The following SMCO1 variants were observed in gnomAD, a reference collection of about 807,000 sequenced individuals.
SMCO1 encodes single-pass membrane and coiled-coil domain-containing protein 1.
SMCO1 carries 9 observed loss-of-function variants against 7.5 expected under a neutral mutation model. The ratio of observed to expected loss-of-function variants is 1.20; its 90% CI spans 0.72 to 2.09. The LOEUF (loss-of-function observed/expected upper bound fraction) is 2.09. Ranked by LOEUF, SMCO1 falls within the 30% of genes most tolerant of loss-of-function variation. SMCO1 has a pLI of 0.00. For synonymous variants in SMCO1, 90 were observed against 93.8 expected (o/e 0.96, Z 0.23); for missense variants, 219 against 253.1 (o/e 0.87, Z 0.91).
chr3:196,512,093 C>G (rs1467222494), intron 1 of SMCO1, among the ~76,000 whole-genome samples: 2 of 141,096 alleles, frequency 1.4e-5, no homozygotes, highest in Admixed American at 6.9e-5. Context: ...CCTAGATTGT[C>G]GTTATGAGGG....
chr3:196,519,702 C>T (rs1035276643), upstream of SMCO1, among the ~76,000 whole-genome samples: 10 of 152,172 alleles, frequency 6.6e-5, no homozygotes, highest in Admixed American at 5.9e-4. Context: ...TTAAAGAAGC[C>T]TTGCCTTTTA....
At chr3:196,516,456 A>G (rs373343119), upstream of SMCO1, among the ~76,000 whole-genome samples, 8 of 152,280 alleles carry the variant, frequency 5.3e-5, no homozygotes, top group South Asian at 1.7e-3. Context: ...TGATGTGTTC[A>G]GGAAACAATG....
rs528050051 is a variant in SMCO1, at chr3:196,507,078, C to G, written c.*809G>C. 1 of 152,262 alleles carries G rather than the reference C, an allele frequency of 6.6e-6. No homozygotes were observed. The highest frequency in any genetic ancestry group is 1.9e-4 in the East Asian group (1 of 5,190). The allele number at this position is 152,262 out of a possible 1,614,324, so 9.4% of individuals were successfully genotyped here. A position where few individuals can be genotyped will look rare whatever the true frequency, so the allele number is the denominator to read the frequency against. On this transcript the variant is annotated 3_prime_UTR_variant, in exon 3 of 3. Transcript: ENST00000397537. Reference sequence around the variant, plus strand: ...AGGCACGATAGTGTAGAGGACCAATCGCGGAAGGGTAGGTATGTATAAAAT... The same window carrying G: ...AGGCACGATAGTGTAGAGGACCAATGGCGGAAGGGTAGGTATGTATAAAAT...
At chr3:196,518,690 A>G (rs1031308749), upstream of SMCO1, among the ~76,000 whole-genome samples, 12 of 152,222 alleles carry the variant, frequency 7.9e-5, no homozygotes, top group Admixed American at 3.3e-4. Flanking sequence ...ACAACATTCA[A>G]TGGAGCAGTG....
intron 2 of SMCO1, 83 bp downstream of exon 2, chr3:196,509,437 T>A (rs1373221962): frequency 1.2e-5 from 14 of 1,160,232 alleles, no homozygotes; most frequent in Non-Finnish European, 1.6e-5. Context: ...GTGGGAAACA[T>A]ACTAAGAAAT....
chr3:196,516,153 A>G (rs1733386854), upstream of SMCO1, among the ~76,000 whole-genome samples: 1 of 148,020 alleles, frequency 6.8e-6, no homozygotes, highest in African/African-American at 2.5e-5. Flanking sequence ...TAAATGTGGA[A>G]ATAAAATAGG....
At chr3:196,509,749 A>G (rs1275170552) in intron 1 of SMCO1, 80 bp from the exon 2 acceptor site, 1 of 1,235,124 alleles carries the variant, frequency 8.1e-7, no homozygotes, top group Middle Eastern at 2.2e-4. Context: ...GCTCTAATAC[A>G]TTATTTACAA....
chr3:196,510,906 A>G (rs889699052), intron 1 of SMCO1, among the ~76,000 whole-genome samples: 1 of 152,262 alleles, frequency 6.6e-6, no homozygotes, highest in Non-Finnish European at 1.5e-5. Flanking sequence ...CTTTGATGAG[A>G]ATGAAATGCT....
chr3:196,509,609 A>G lies in SMCO1; in HGVS notation c.111T>C (p.Asp37=), dbSNP rs1279602281. 2.5e-6 allele frequency: 4 copies of G among 1,614,068 alleles called. No homozygotes were observed. The highest frequency in any genetic ancestry group is 2.2e-5 in the East Asian group (1 of 44,880). ...GATGTTCGAATTTCTGCATCAGGTT[A>G]TCCTTGGTGAAGTCTAGTTCTTTGA... The part of the protein sequence containing the change: ...TQFKELDFTK[D]NLMQKFEHHS... Residue 37 remains aspartate, a synonymous_variant, in exon 2 of 3, where the codon GAT becomes GAC. Coordinates refer to ENST00000397537, the MANE Select transcript of SMCO1 (RefSeq NM_001077657.3).
intron 1 of SMCO1, among the ~76,000 whole-genome samples, chr3:196,511,348 ATTG>A (rs544188439): frequency 6.7e-5 from 10 of 150,022 alleles, no homozygotes; most frequent in African/African-American, 2.2e-4. Context: ...CGCCAAGTAG[ATTG>A]TTGTTATGAG....
chr3:196,516,529 T>C (rs574029416), upstream of SMCO1, among the ~76,000 whole-genome samples: 24 of 152,342 alleles, frequency 1.6e-4, no homozygotes, highest in African/African-American at 5.3e-4. Flanking sequence ...CCATTTAAAC[T>C]GGTAAGAGCC....
At chr3:196,515,988 G>GAGAT (rs1296248474), upstream of SMCO1, among the ~76,000 whole-genome samples, 39 of 23,884 alleles carry the variant, frequency 1.6e-3, no homozygotes, top group African/African-American at 5.5e-3. Context: ...AAGAGGATAG[G>GAGAT]ATATATATAT....
At chr3:196,512,750 C>T (rs933056162) in intron 1 of SMCO1, among the ~76,000 whole-genome samples, 8 of 151,936 alleles carry the variant, frequency 5.3e-5, no homozygotes, top group African/African-American at 7.3e-5. Flanking sequence ...TCAGGCGATC[C>T]GCCCACCTCG....
chr3:196,515,097 C>T lies in SMCO1; in HGVS notation c.50+63G>A, dbSNP rs753718782. The T allele has an allele frequency of 3.8e-6, 6 of 1,582,558 alleles. No homozygotes were observed. The East Asian group carries it at 1.1e-4, about 29-fold the overall frequency. On this transcript the variant is annotated intron_variant, in intron 1 of 2. Coordinates refer to ENST00000397537, the MANE Select transcript of SMCO1 (RefSeq NM_001077657.3). ...TTCTTTATTTCTATTCTTCATTCTT[C>T]TCTTACCCATCTTCCCAGAATAGCA...
chr3:196,516,057 T>TTATATA (rs10636541), upstream of SMCO1, among the ~76,000 whole-genome samples: 6 of 117,086 alleles, frequency 5.1e-5, 1 homozygote, highest in African/African-American at 1.7e-4. Flanking sequence ...ATACATATAA[T>TTATATA]TATATATAAT....
intron 1 of SMCO1, among the ~76,000 whole-genome samples, chr3:196,514,915 T>C (rs564202147): frequency 3.9e-5 from 6 of 152,306 alleles, no homozygotes; most frequent in Admixed American, 2.0e-4. Context: ...GTAATTTTTG[T>C]ATTTTTAGTA....
At chr3:196,519,595 A>G (rs1306928975), upstream of SMCO1, among the ~76,000 whole-genome samples, 1 of 152,206 alleles carries the variant, frequency 6.6e-6, no homozygotes, top group Non-Finnish European at 1.5e-5. Flanking sequence ...TTAATTAGTA[A>G]GGGGATTTTA....
upstream of SMCO1, among the ~76,000 whole-genome samples, chr3:196,519,543 G>A (rs1192141877): frequency 2.0e-5 from 3 of 152,126 alleles, no homozygotes; most frequent in African/African-American, 7.2e-5. Context: ...AGGTCCTTAA[G>A]TCCCTTTAAG....
upstream of SMCO1, among the ~76,000 whole-genome samples, chr3:196,517,104 C>CAAAAAAA (rs56104987): frequency 7.0e-4 from 25 of 35,742 alleles, 3 homozygotes; most frequent in African/African-American, 3.7e-3. Flanking sequence ...GACTCCATCG[C>CAAAAAAA]AAAAAAAAAA....
Sources: gnomAD v4.1 joint callset for allele counts (sites outside exome capture counted in the v4.1 genomes callset) on GRCh38, gnomAD v4.1.1 for gene constraint, MANE v1.5 for transcripts, NCBI Gene and HGNC (gene_info 2026-07-23, HGNC 2026-07-21) for gene names.